Variants in CARHSP1 observed in about 807,000 individuals in gnomAD.
CARHSP1 encodes calcium regulated heat stable protein 1.
In CARHSP1, 14 loss-of-function variants were observed where a neutral mutation model predicts 12.5. That is an observed-to-expected ratio of 1.12 (90% CI 0.74 to 1.75). The LOEUF is 1.75. Among genes scored for constraint, CARHSP1 ranks in the 40% most tolerant of loss-of-function variants. CARHSP1 has a pLI of 0.00. For missense variants in CARHSP1, 343 were observed against 201.6 expected (o/e 1.70, Z -4.25); for synonymous variants, 161 against 82.0 (o/e 1.96, Z -5.20).
chr16:8,863,478 G>A (rs764051706), intron 1 of CARHSP1, among the ~76,000 whole-genome samples: 1 of 152,214 alleles, frequency 6.6e-6, no homozygotes, highest in Admixed American at 6.5e-5. Flanking sequence ...GCATTGGTGT[G>A]CACTCAGCAC....
intron 2 of CARHSP1, chr16:8,858,753 C>A: frequency 2.1e-6 from 1 of 475,036 alleles, no homozygotes; most frequent in Non-Finnish European, 3.7e-6. Context: ...CCTCCAGAAA[C>A]TAATGATTTA....
In CARHSP1 at chr16:8,859,321, G is replaced by C; in HGVS notation, c.8C>G (p.Ser3Cys). 1 of 1,601,288 alleles carries C rather than the reference G, an allele frequency of 6.2e-7. No individual in the cohort carries two copies. Among genetic ancestry groups the C allele is most frequent in the Non-Finnish European group, 8.5e-7 (1 of 1,178,690 alleles). MS[S>C]EPPPPPQPPT... ...GGGCTGTGGTGGTGGGGGAGGCTCA[G>C]ATGACATGGCTGACCTGGAAAGAGA... Residue 3 changes from serine to cysteine, a missense_variant, in exon 2 of 4, where the codon TCT becomes TGT. Ser to Cys is a moderately radical substitution (Grantham distance 112). Transcript: ENST00000311052.
At chr16:8,855,494 A>C (rs111648297) in intron 3 of CARHSP1, among the ~76,000 whole-genome samples, 168 bp from the exon 4 acceptor site, 2 of 151,968 alleles carry the variant, frequency 1.3e-5, no homozygotes, top group African/African-American at 4.8e-5. Flanking sequence ...GAGCTGCCAC[A>C]CTGCCCCCAG....
intron 3 of CARHSP1, among the ~76,000 whole-genome samples, chr16:8,857,263 G>GT (rs756390920): frequency 1.6e-4 from 9 of 57,032 alleles, no homozygotes; most frequent in South Asian, 8.8e-4. Flanking sequence ...GGGCAGATCT[G>GT]TTTTTTTTTT....
rs780726763 is a variant in CARHSP1 at position 8,853,050 on chromosome 16, C to A, written c.*2114G>T. ...CTCTCGCTCTGTCACCAAAACCCTCCGTCCCTCCCAGAGCCTCGAGGAGTT... is the reference window on the plus strand; with the variant it reads ...CTCTCGCTCTGTCACCAAAACCCTCAGTCCCTCCCAGAGCCTCGAGGAGTT... On this transcript the variant is annotated 3_prime_UTR_variant, in exon 4 of 4. Transcript: ENST00000311052. The A allele has an allele frequency of 3.3e-5, 5 of 152,170 alleles. No homozygotes were observed. Among genetic ancestry groups the A allele is most frequent in the African/African-American group, 7.2e-5 (3 of 41,430 alleles). The allele number at this position is 152,170 out of a possible 1,614,324, so 9.4% of individuals were successfully genotyped here.
intron 1 of CARHSP1, 91 bp from the exon 2 acceptor site, chr16:8,859,426 T>C: frequency 8.5e-7 from 1 of 1,173,002 alleles, no homozygotes; most frequent in Non-Finnish European, 1.2e-6. Context: ...GTCCAGTATC[T>C]GAGGCTCATT....
intron 1 of CARHSP1, chr16:8,859,971 T>C (rs2061297229): frequency 5.3e-6 from 1 of 190,134 alleles, no homozygotes; most frequent in Non-Finnish European, 9.7e-6. Context: ...AGCAAGACTC[T>C]GTCTCAAAAA....
chr16:8,859,173 C>A lies in CARHSP1; in HGVS notation c.156G>T (p.Ser52=), dbSNP rs2231706. The A allele has an allele frequency of 4.9e-5, 78 of 1,596,538 alleles. No individual in the cohort carries two copies. Among genetic ancestry groups the A allele is most frequent in the Middle Eastern group, 1.7e-4 (1 of 6,028 alleles). Residue 52 remains serine (S), a splice_region_variant and synonymous_variant, in exon 2 of 4, where the codon TCG becomes TCT. Coordinates refer to ENST00000311052, the MANE Select transcript of CARHSP1 (RefSeq NM_014316.4). The part of the protein sequence containing the change: ...PLPTRRTRTF[S]ATVRASQGPV... ...TCCCCAGCCTGCTCCAGACTCACGC[C>A]GAGAAGGTCCTCGTCCGGCGAGTGG...
chr16:8,858,293 A>C, intron 3 of CARHSP1, 57 bp downstream of exon 3: 2 of 1,588,538 alleles, frequency 1.3e-6, no homozygotes, highest in Non-Finnish European at 1.7e-6. Context: ...CCCCACCTCC[A>C]CAGGGCCAAG....
intron 1 of CARHSP1, among the ~76,000 whole-genome samples, chr16:8,863,733 G>C (rs1300038888): frequency 1.3e-5 from 2 of 152,164 alleles, no homozygotes; most frequent in Non-Finnish European, 2.9e-5. Flanking sequence ...GTGCGGGGGA[G>C]GGCCGGGCAA....
intron 1 of CARHSP1, among the ~76,000 whole-genome samples, chr16:8,860,838 G>A (rs151317647): frequency 6.0e-4 from 91 of 152,020 alleles, no homozygotes; most frequent in African/African-American, 2.2e-3. Context: ...ATCACCTGAG[G>A]TCAGGAGTTG....
At chr16:8,855,425 G>A in intron 3 of CARHSP1, 99 bp from the exon 4 acceptor site, 3 of 1,131,782 alleles carry the variant, frequency 2.7e-6, no homozygotes, top group Non-Finnish European at 3.5e-6. Flanking sequence ...CACCAAAGCA[G>A]GCACCATCTG....
intron 1 of CARHSP1, 29 bp from the exon 2 acceptor site, chr16:8,859,364 C>T (rs372571690): frequency 3.5e-4 from 554 of 1,582,864 alleles, no homozygotes; most frequent in Middle Eastern, 1.2e-3. Context: ...GTCAGGGGCT[C>T]GTGCCTTGCA....
rs183698654 is a variant in CARHSP1 at position 8,855,867 on chromosome 16, G to T, written c.282-541C>A. On this transcript the variant is annotated intron_variant, in intron 3 of 3. Coordinates refer to ENST00000311052, the MANE Select transcript of CARHSP1 (RefSeq NM_014316.4). ...AGACAGAGTCTTGTTCTGTTGCCCAGGCTGGAGTGCAGTGGTGTGATCTCA... is the reference window on the plus strand; with the variant it reads ...AGACAGAGTCTTGTTCTGTTGCCCATGCTGGAGTGCAGTGGTGTGATCTCA... 2.2e-3 allele frequency among the ~76,000 whole-genome samples: 336 copies of T among 152,304 alleles called. 2 individuals are homozygous for T. Among genetic ancestry groups the T allele is most frequent in the African/African-American group, 7.7e-3 (320 of 41,556 alleles).
chr16:8,867,514 C>G (rs1477008708), intron 1 of CARHSP1: 1 of 152,430 alleles, frequency 6.6e-6, no homozygotes, highest in African/African-American at 2.4e-5. Flanking sequence ...TGATGGAACA[C>G]AAACCAAATG....
In CARHSP1 at chr16:8,868,956, A is replaced by C. The variant is rs1269772334; in HGVS notation, c.-8+10T>G. The C allele has an allele frequency of 6.6e-6, 1 of 151,496 alleles. No individual in the cohort carries two copies. The highest frequency in any genetic ancestry group is 1.5e-5 in the Non-Finnish European group (1 of 67,886). The allele number at this position is 151,496 out of a possible 1,614,324, so 9.4% of individuals were successfully genotyped here. On this transcript the variant is annotated intron_variant, in intron 1 of 3. Transcript: ENST00000311052. ...CGCCTATCCTGGGGTCCCCGAGAAG[A>C]GCTCCCTACCCTGCAATCCGTTCTG...
chr16:8,862,490 T>TAAAC (rs1388567332), intron 1 of CARHSP1, among the ~76,000 whole-genome samples: 4 of 151,736 alleles, frequency 2.6e-5, no homozygotes, highest in Admixed American at 1.3e-4. Flanking sequence ...AGCCAGAGAA[T>TAAAC]AAACAGTTAA....
chr16:8,867,675 T>G (rs1400909846), intron 1 of CARHSP1: 3 of 152,414 alleles, frequency 2.0e-5, no homozygotes, highest in Admixed American at 6.5e-5. Context: ...CGCCTCTTTC[T>G]TGCCCTGAAG....
chr16:8,855,400 T>C, intron 3 of CARHSP1, 74 bp from the exon 4 acceptor site: 1 of 1,328,212 alleles, frequency 7.5e-7, no homozygotes, highest in Non-Finnish European at 9.9e-7. Context: ...CCAGCCACCC[T>C]TCTGGTCACA....
Sources: gnomAD v4.1 joint callset for allele counts (sites outside exome capture counted in the v4.1 genomes callset) on GRCh38, gnomAD v4.1.1 for gene constraint, MANE v1.5 for transcripts, NCBI Gene and HGNC (gene_info 2026-07-23, HGNC 2026-07-21) for gene names.